ATP10D: variants seen among roughly 807,000 people sequenced by gnomAD.
ATP10D encodes phospholipid-transporting ATPase VD.
In ATP10D, 89 loss-of-function variants were observed where a neutral mutation model predicts 144.8. The observed-to-expected ratio is 0.61, with a 90% CI of 0.52 to 0.73. The LOEUF (loss-of-function observed/expected upper bound fraction) is 0.73, where lower values mean the gene tolerates loss of function less well. Among genes scored for constraint, ATP10D ranks in the 30% least tolerant of loss-of-function variants. The pLI, the probability that ATP10D is intolerant of heterozygous loss-of-function variation, is 0.00. For missense variants in ATP10D, 1,603 were observed against 1,714.8 expected (o/e 0.93, Z 1.15); for synonymous variants, 571 against 615.1 (o/e 0.93, Z 1.06).
chr4:47,572,032 G>A (rs1719978142), intron 16 of ATP10D, 122 bp from the exon 17 acceptor site: 1 of 880,622 alleles, frequency 1.1e-6, no homozygotes, highest in African/African-American at 1.6e-5. Context: ...CAGGAAACTT[G>A]GAGAACGGGA....
At chr4:47,573,746 T>A (rs1213852875) in intron 18 of ATP10D, among the ~76,000 whole-genome samples, 1 of 152,200 alleles carries the variant, frequency 6.6e-6, no homozygotes, top group Non-Finnish European at 1.5e-5. Context: ...AAAGTCCATA[T>A]GTAGTATGTT....
intron 22 of ATP10D, among the ~76,000 whole-genome samples, chr4:47,587,988 T>C (rs1720866991): frequency 6.7e-6 from 1 of 150,220 alleles, no homozygotes; most frequent in Non-Finnish European, 1.5e-5. Context: ...TTGTTTGTTT[T>C]TCATGTAGTG....
chr4:47,581,253 T>G (rs1720500777), intron 20 of ATP10D, among the ~76,000 whole-genome samples: 3 of 152,214 alleles, frequency 2.0e-5, no homozygotes, highest in Admixed American at 2.0e-4. Flanking sequence ...AACTTTAATT[T>G]TAGAAAATTT....
In ATP10D at chr4:47,561,205, A is replaced by G; in HGVS notation, c.2668+130A>G. On this transcript the variant is annotated intron_variant, in intron 14 of 22. Coordinates refer to ENST00000273859, the MANE Select transcript of ATP10D (RefSeq NM_020453.4). ...GGTTCTGCCTACCCTGTCCAGTCTG[A>G]TCTCTATCCAACTTCCAATCCATTC... 4 of 1,184,412 alleles carry G rather than the reference A, an allele frequency of 3.4e-6. No homozygotes were observed. In the Admixed American group the frequency reaches 8.1e-5, roughly 24 times the overall value. 73.4% of individuals were successfully genotyped at this position (1,184,412 alleles called of 1,614,324 possible).
intron 9 of ATP10D, among the ~76,000 whole-genome samples, chr4:47,541,985 TGG>T (rs984883787): frequency 6.6e-6 from 1 of 152,140 alleles, no homozygotes; most frequent in Non-Finnish European, 1.5e-5. Flanking sequence ...GTAACTATTT[TGG>T]AGTCTACCTT....
chr4:47,577,203 C>G (rs1720284508), intron 19 of ATP10D, among the ~76,000 whole-genome samples: 1 of 152,202 alleles, frequency 6.6e-6, no homozygotes, highest in Admixed American at 6.5e-5. Context: ...AAGTTTGAAT[C>G]TTACAACCAA....
chr4:47,576,752 T>C (rs755016317), intron 18 of ATP10D, 21 bp from the exon 19 acceptor site: 3 of 1,602,740 alleles, frequency 1.9e-6, no homozygotes, highest in African/African-American at 2.7e-5. Flanking sequence ...AAGATCTGAA[T>C]GTCCTTCTTT....
intron 20 of ATP10D, among the ~76,000 whole-genome samples, chr4:47,581,679 C>G (rs1436893685): frequency 6.6e-6 from 1 of 152,154 alleles, no homozygotes; most frequent in Admixed American, 6.5e-5. Context: ...ACAAATTTCT[C>G]TATACCTTAA....
chr4:47,513,651 G>A (rs1435981339), intron 2 of ATP10D, among the ~76,000 whole-genome samples: 1 of 152,164 alleles, frequency 6.6e-6, no homozygotes, highest in African/African-American at 2.4e-5. Flanking sequence ...TTGAAGCCTG[G>A]GAAATAGTGT....
Position 47,554,880 on chromosome 4 carries a change from T to TA in ATP10D, c.1791dup (p.Val598SerfsTer6), listed in dbSNP as rs1421774838. On this transcript the variant is annotated frameshift_variant, in exon 11 of 23. Coordinates refer to ENST00000273859, the MANE Select transcript of ATP10D (RefSeq NM_020453.4). LOFTEE classifies it high-confidence loss of function. ...ATTGCATTGGCAATTTGCAACACAG[T>TA]AGTGGTTTCTGCTCCTAACCAACCC... The TA allele has an allele frequency of 6.2e-6, 10 of 1,613,988 alleles. No homozygotes were observed. The highest frequency in any genetic ancestry group is 1.3e-5 in the African/African-American group (1 of 74,908).
chr4:47,556,440 A>C lies in ATP10D; in HGVS notation c.1825-1224A>C, dbSNP rs182460600. On this transcript the variant is annotated intron_variant, in intron 11 of 22. Transcript: ENST00000273859. ...TTCCCCAAAAAATATTTTTCTAATA[A>C]ATCTGTTCCCAAAGTAAGCATCTTT... Among the ~76,000 whole-genome samples the C allele has an allele frequency of 1.1e-3, 160 of 152,326 alleles. 3 individuals carry two copies. Among genetic ancestry groups the C allele is most frequent in the African/African-American group, 3.8e-3 (157 of 41,572 alleles).
At chr4:47,492,408 G>C (rs2109381087) in intron 1 of ATP10D, among the ~76,000 whole-genome samples, 1 of 152,244 alleles carries the variant, frequency 6.6e-6, no homozygotes, top group South Asian at 2.1e-4. Context: ...AGGTACCATT[G>C]AGTAAATTAT....
chr4:47,587,686 A>G (rs1005832487), intron 22 of ATP10D, among the ~76,000 whole-genome samples: 3 of 152,134 alleles, frequency 2.0e-5, no homozygotes, highest in African/African-American at 7.2e-5. Flanking sequence ...GCACCTTCAG[A>G]TGGTGGAAGG....
chr4:47,496,096 G>T (rs1380772801), intron 1 of ATP10D, among the ~76,000 whole-genome samples: 2 of 151,358 alleles, frequency 1.3e-5, no homozygotes, highest in African/African-American at 4.9e-5. Context: ...AACACAATTA[G>T]ATATAATGCA....
At chr4:47,547,915 A>G (rs1718525031) in intron 10 of ATP10D, among the ~76,000 whole-genome samples, 1 of 152,230 alleles carries the variant, frequency 6.6e-6, no homozygotes, top group Non-Finnish European at 1.5e-5. Flanking sequence ...CCATATGTCA[A>G]GTGATTCCAA....
At chr4:47,509,499 G>C (rs903572537) in intron 1 of ATP10D, among the ~76,000 whole-genome samples, 1 of 152,154 alleles carries the variant, frequency 6.6e-6, no homozygotes, top group Non-Finnish European at 1.5e-5. Context: ...GGAATGGCTA[G>C]CTCAAGGTAA....
chr4:47,491,944 GC>G, intron 1 of ATP10D, among the ~76,000 whole-genome samples: 1 of 152,098 alleles, frequency 6.6e-6, no homozygotes, highest in African/African-American at 2.4e-5. Context: ...CTGTTCTGGG[GC>G]TAGTTTATTC....
intron 1 of ATP10D, among the ~76,000 whole-genome samples, chr4:47,510,970 A>G (rs970331225): frequency 3.3e-5 from 5 of 152,198 alleles, no homozygotes; most frequent in African/African-American, 9.7e-5. Flanking sequence ...AGCACTTAGT[A>G]TTTATGTTCA....
At chr4:47,550,529 C>T (rs1268723402) in intron 10 of ATP10D, among the ~76,000 whole-genome samples, 1 of 152,054 alleles carries the variant, frequency 6.6e-6, no homozygotes, top group Non-Finnish European at 1.5e-5. Flanking sequence ...AAGATGGTGG[C>T]GTGTGGCTTC....
Sources: gnomAD v4.1 joint callset for allele counts (sites outside exome capture counted in the v4.1 genomes callset) on GRCh38, gnomAD v4.1.1 for gene constraint, MANE v1.5 for transcripts, NCBI Gene and HGNC (gene_info 2026-07-23, HGNC 2026-07-21) for gene names.